Variants in PICK1 observed in about 807,000 individuals in gnomAD.
PICK1 encodes PRKCA-binding protein.
A neutral mutation model predicts 48.9 loss-of-function variants in PICK1; 23 were observed. That is an observed-to-expected ratio of 0.47 (90% CI 0.34 to 0.67). The LOEUF is 0.67. Among genes scored for constraint, PICK1 ranks in the 30% least tolerant of loss-of-function variants. The pLI is 0.01. For synonymous variants in PICK1, 217 were observed against 228.2 expected, an observed-to-expected ratio of 0.95 and a Z score of 0.44; for missense variants, 423 against 557.1, an observed-to-expected ratio of 0.76 and a Z score of 2.42.
chr22:38,067,365 A>C, intron 4 of PICK1: 1 of 323,522 alleles, frequency 3.1e-6, no homozygotes, highest in South Asian at 2.4e-5. Context: ...GCTGGAGTGC[A>C]ATGGTGTGAT....
In PICK1 at chr22:38,073,654, T is replaced by G; in HGVS notation, c.784-119T>G. The stretch of plus-strand genomic sequence containing the variant: ...TCCCTCAGCACCTGCCGCTGCCCGC[T>G]CTGGGACTCCCTGAACACCTGCGCC... On this transcript the variant is annotated intron_variant, in intron 10 of 12. Transcript: ENST00000356976. The surrounding 1 kb of genome is among the most constrained non-coding windows in gnomAD (Gnocchi z 5.7). The G allele has an allele frequency of 1.1e-6, 1 of 940,952 alleles. No individual in the cohort carries two copies. 58.3% of individuals were successfully genotyped at this position (940,952 alleles called of 1,614,324 possible).
chr22:38,072,645 T>G (rs2085729168), intron 9 of PICK1, 35 bp downstream of exon 9: 1 of 1,610,524 alleles, frequency 6.2e-7, no homozygotes, highest in South Asian at 1.1e-5. Flanking sequence ...GTCTGGCGTG[T>G]GAGGGTGGGG....
chr22:38,065,049 C>T lies in PICK1; in HGVS notation c.201C>T (p.Gly67=), dbSNP rs748882885. The T allele has an allele frequency of 3.1e-5, 50 of 1,613,822 alleles. No individual in the cohort carries two copies. The South Asian group carries it at 4.4e-4, about 14-fold the overall frequency. The change falls in exon 4 of 13, where the codon GGC becomes GGT. Residue 67 remains glycine (G), a synonymous_variant. Transcript: ENST00000356976. ...PAALDGTVAA[G]DEITGVNGRS... is the part of the protein sequence containing the mutation. ...CCTTGGACGGCACAGTGGCAGCTGG[C>T]GATGAGATCACCGGTGTCAATGGCA...
In PICK1 at chr22:38,074,398, C is replaced by T; in HGVS notation, c.926C>T (p.Ser309Phe). ...RCRQEARARF[S>F]QMRKDVLEKM... ...CGCCAGGAGGCGCGCGCCCGCTTCT[C>T]CCAGATGCGCAAGGATGTGCTGGAG... is the stretch of plus-strand genomic sequence containing the variant. The change falls in exon 12 of 13, where the codon TCC (serine) becomes TTC (phenylalanine). Residue 309 changes from serine (S) to phenylalanine (F), a missense_variant. By Grantham distance (155) the Ser-to-Phe change is radical. Around this residue, in one of 2 missense-constraint regions of PICK1, gnomAD observed 279 missense variants for 417.8 expected, o/e 0.67. Transcript: ENST00000356976. This position sits in a 1 kb window ranked among gnomAD's most constrained non-coding sequence, Gnocchi z 4.5. The T allele has an allele frequency of 6.2e-7, 1 of 1,613,160 alleles. No homozygotes were observed. Among genetic ancestry groups the T allele is most frequent in the Non-Finnish European group, 8.5e-7 (1 of 1,179,974 alleles).
chr22:38,073,846 G>A lies in PICK1; in HGVS notation c.834+23G>A, dbSNP rs761303994. On this transcript the variant is annotated intron_variant, in intron 11 of 12. Transcript: ENST00000356976. The surrounding 1 kb of genome is among the most constrained non-coding windows in gnomAD (Gnocchi z 5.7). ...ATTGTGAGTGTTGGAGGGGGTGGGG[G>A]GCTTGTACTTCCCCCCACCTGGTCT... 1 of 1,610,652 alleles carries A rather than the reference G, an allele frequency of 6.2e-7. No homozygotes were observed. Among genetic ancestry groups the A allele is most frequent in the South Asian group, 1.1e-5 (1 of 91,036 alleles).
rs868161550 is a variant in PICK1 at position 38,074,764 on chromosome 22, C to T, written c.980-100C>T. The T allele has an allele frequency of 5.4e-6, 8 of 1,485,352 alleles. No individual in the cohort carries two copies. The South Asian group carries it at 8.3e-5, about 15-fold the overall frequency. The allele number at this position is 1,485,352 out of a possible 1,614,324, so 92.0% of individuals were successfully genotyped here. On this transcript the variant is annotated intron_variant, in intron 12 of 12. Coordinates refer to ENST00000356976, the MANE Select transcript of PICK1 (RefSeq NM_012407.4). The surrounding 1 kb of genome is among the most constrained non-coding windows in gnomAD (Gnocchi z 4.5). ...CAGGGAAGTGCCCGAGTGGGAAGCC[C>T]AGGGGAGGCGAGAGGTGGGCCGGGT...
At chr22:38,061,274 G>T (rs1052714621) in intron 3 of PICK1, among the ~76,000 whole-genome samples, 1 of 152,092 alleles carries the variant, frequency 6.6e-6, no homozygotes, top group Non-Finnish European at 1.5e-5. Context: ...CCGGGAGATG[G>T]TGGTTGCAGT....
In PICK1 at chr22:38,075,390, C is replaced by G. The variant is rs2085818288; in HGVS notation, c.*258C>G. ...CCCGGCCAGAGGGAGAGCTTGGTCT[C>G]TGGACCTGCCTTAGGAAGGAGAGGG... On this transcript the variant is annotated 3_prime_UTR_variant, in exon 13 of 13. Transcript: ENST00000356976. 1.9e-6 allele frequency: 1 copy of G among 515,162 alleles called. No homozygotes were observed. Among genetic ancestry groups the G allele is most frequent in the African/African-American group, 1.9e-5 (1 of 52,518 alleles). 31.9% of individuals were successfully genotyped at this position (515,162 alleles called of 1,614,324 possible).
chr22:38,067,327 T>TTTTTG, intron 4 of PICK1: 2 of 193,394 alleles, frequency 1.0e-5, no homozygotes, highest in Admixed American at 5.5e-5. Context: ...TTTTTTTTTT[T>TTTTTG]GAGACAGAAT....
chr22:38,070,745 C>T (rs1218330054), intron 6 of PICK1, 93 bp from the exon 7 acceptor site: 2 of 1,052,442 alleles, frequency 1.9e-6, no homozygotes, highest in African/African-American at 1.6e-5. Context: ...CCTGGTTCTC[C>T]TCTGGGGTTG....
At chr22:38,067,385 C>G (rs528237289) in intron 4 of PICK1, 3 of 358,924 alleles carry the variant, frequency 8.4e-6, no homozygotes, top group South Asian at 6.3e-5. Flanking sequence ...TCTCAGCTCA[C>G]TGCAACCTCC....
intron 4 of PICK1, 105 bp from the exon 5 acceptor site, chr22:38,067,599 G>A (rs1176900979): frequency 7.1e-6 from 7 of 989,984 alleles, no homozygotes; most frequent in South Asian, 2.6e-5. Context: ...GTGAGCCACC[G>A]CACCCGGCCT....
Position 38,073,811 on chromosome 22 carries a change from A to G in PICK1, c.822A>G (p.Glu274=). ...AGGTGAAGGAGATGGATGACGAGGAATACAGCTGCATTGTGAGTGTTGGAG... is the reference window on the plus strand; with the variant it reads ...AGGTGAAGGAGATGGATGACGAGGAGTACAGCTGCATTGTGAGTGTTGGAG... ...CLKVKEMDDE[E]YSCIALGEPL... Residue 274 remains glutamate (E), a synonymous_variant, in exon 11 of 13, where the codon GAA becomes GAG. Transcript: ENST00000356976. This position sits in a 1 kb window ranked among gnomAD's most constrained non-coding sequence, Gnocchi z 5.7. The G allele has an allele frequency of 6.2e-7, 1 of 1,611,854 alleles. No individual in the cohort carries two copies. The highest frequency in any genetic ancestry group is 8.5e-7 in the Non-Finnish European group (1 of 1,178,514).
At chr22:38,064,246 T>G (rs999849252) in intron 3 of PICK1, among the ~76,000 whole-genome samples, 1 of 151,912 alleles carries the variant, frequency 6.6e-6, no homozygotes, top group African/African-American at 2.4e-5. Flanking sequence ...TTAGTAGAGA[T>G]GGGGTTTCGC....
intron 4 of PICK1, among the ~76,000 whole-genome samples, chr22:38,065,846 A>C (rs968771833): frequency 1.3e-5 from 2 of 152,056 alleles, no homozygotes; most frequent in Admixed American, 6.6e-5. Context: ...GGCAGTGCAC[A>C]GCCATGGGGT....
Position 38,073,989 on chromosome 22 carries a change from C to T in PICK1, c.834+166C>T, listed in dbSNP as rs949835605. On this transcript the variant is annotated intron_variant, in intron 11 of 12. Coordinates refer to ENST00000356976, the MANE Select transcript of PICK1 (RefSeq NM_012407.4). This position sits in a 1 kb window ranked among gnomAD's most constrained non-coding sequence, Gnocchi z 5.7. ...GTCCCGCTCGCTGGGCCTCGGGGTGCTGGGCACCCGGCCGGGAACCACTCC... is the reference window on the plus strand; with the variant it reads ...GTCCCGCTCGCTGGGCCTCGGGGTGTTGGGCACCCGGCCGGGAACCACTCC... The T allele has an allele frequency of 2.8e-6, 2 of 722,314 alleles. No individual in the cohort carries two copies. The highest frequency in any genetic ancestry group is 4.6e-5 in the Admixed American group (2 of 43,124). 44.7% of individuals were successfully genotyped at this position (722,314 alleles called of 1,614,324 possible).
At chr22:38,057,391 C>A (rs2085294360), upstream of PICK1, 2 of 220,748 alleles carry the variant, frequency 9.1e-6, no homozygotes, top group African/African-American at 2.3e-5. Context: ...CCGCGTCTTG[C>A]CGGAAGTGAC....
Position 38,074,357 on chromosome 22 carries a change from C to T in PICK1, c.885C>T (p.Arg295=), listed in dbSNP as rs763420301. The change falls in exon 12 of 13, where the codon CGC becomes CGT. Residue 295 remains arginine, a synonymous_variant. Transcript: ENST00000356976. This position sits in a 1 kb window ranked among gnomAD's most constrained non-coding sequence, Gnocchi z 4.5. ...TGAGCACCGGCAACTATGAGTACCG[C>T]CTGATCCTGCGCTGCCGCCAGGAGG... ...YRVSTGNYEY[R]LILRCRQEAR... The T allele has an allele frequency of 1.2e-6, 2 of 1,612,888 alleles. No individual in the cohort carries two copies. The highest frequency in any genetic ancestry group is 2.7e-5 in the African/African-American group (2 of 74,922).
At chr22:38,058,401 T>G (rs555855114) in intron 2 of PICK1, among the ~76,000 whole-genome samples, 1 of 152,160 alleles carries the variant, frequency 6.6e-6, no homozygotes, top group African/African-American at 2.4e-5. Context: ...CAATGCTAAT[T>G]TATAGTGGAA....
Sources: allele counts gnomAD v4.1 joint callset (sites outside exome capture counted in the v4.1 genomes callset), GRCh38; gene constraint gnomAD v4.1.1; regional missense constraint gnomAD v4.1.1; non-coding constraint Gnocchi (gnomAD v3.1); transcripts MANE v1.5; gene names NCBI Gene and HGNC (gene_info 2026-07-23, HGNC 2026-07-21).